Variants in LRP1B observed in about 807,000 individuals in gnomAD.
LRP1B encodes LDL receptor related protein 1B, also known as low-density lipoprotein receptor-related protein 1B.
Under a neutral mutation model 556.6 loss-of-function variants are expected in LRP1B, and 217 were observed. The ratio of observed to expected loss-of-function variants is 0.39; its 90% CI spans 0.35 to 0.44. The LOEUF is 0.44. Among genes scored for constraint, LRP1B ranks in the 20% least tolerant of loss-of-function variants. The probability of loss-of-function intolerance (pLI) is 1.00; values close to 1 mark genes in which losing one functional copy is unlikely to be tolerated. For missense variants in LRP1B, 5,053 were observed against 5,620.8 expected (o/e 0.90, Z 3.23); for synonymous variants, 2,047 against 1,865.8 (o/e 1.10, Z -2.50).
chr2:142,112,138 C>A (rs966328460), intron 1 of LRP1B, among the ~76,000 whole-genome samples: 34 of 151,940 alleles, frequency 2.2e-4, no homozygotes, highest in African/African-American at 7.7e-4. Flanking sequence ...TGCCTAACAC[C>A]ACCCAGAAAA....
intron 2 of LRP1B, among the ~76,000 whole-genome samples, chr2:141,789,959 C>G (rs1695558226): frequency 6.6e-6 from 1 of 151,892 alleles, no homozygotes; most frequent in Non-Finnish European, 1.5e-5. Flanking sequence ...TTCAAGCACT[C>G]TATAGTCCCT....
intron 66 of LRP1B, among the ~76,000 whole-genome samples, chr2:140,391,143 C>T (rs188566792): frequency 1.3e-5 from 2 of 152,154 alleles, no homozygotes; most frequent in African/African-American, 2.4e-5. Context: ...CTACTAAAAT[C>T]ATTCAAATTG....
intron 2 of LRP1B, among the ~76,000 whole-genome samples, chr2:141,526,644 T>G (rs541189145): frequency 6.6e-6 from 1 of 152,130 alleles, no homozygotes; most frequent in East Asian, 1.9e-4. Context: ...CTGCTTAATG[T>G]TTTAATTGTA....
chr2:141,853,855 C>T (rs904219206), intron 1 of LRP1B, among the ~76,000 whole-genome samples: 1 of 151,910 alleles, frequency 6.6e-6, no homozygotes, highest in African/African-American at 2.4e-5. Flanking sequence ...TGAGTATTGG[C>T]ACATTTATGT....
chr2:141,236,635 G>A (rs1683655876), intron 5 of LRP1B, among the ~76,000 whole-genome samples: 1 of 152,110 alleles, frequency 6.6e-6, no homozygotes, highest in Non-Finnish European at 1.5e-5. Context: ...TTTTTAGTTG[G>A]TAGAGTATAA....
At chr2:140,919,218 G>A (rs1368431112) in intron 21 of LRP1B, among the ~76,000 whole-genome samples, 1 of 151,974 alleles carries the variant, frequency 6.6e-6, no homozygotes, top group Non-Finnish European at 1.5e-5. Context: ...GACTTTATGA[G>A]TTTACTTGTG....
chr2:140,948,716 A>T (rs566248979), intron 20 of LRP1B, among the ~76,000 whole-genome samples: 2 of 152,354 alleles, frequency 1.3e-5, no homozygotes, highest in African/African-American at 4.8e-5. Flanking sequence ...TCATGTCAAG[A>T]CCATCAACCA....
At chr2:141,772,622 AT>A (rs1390605858) in intron 2 of LRP1B, among the ~76,000 whole-genome samples, 1 of 152,120 alleles carries the variant, frequency 6.6e-6, no homozygotes, top group African/African-American at 2.4e-5. Flanking sequence ...CTTCAGAGGG[AT>A]TTTTGTCTTT....
At chr2:140,989,185 A>G (rs76358211) in intron 17 of LRP1B, among the ~76,000 whole-genome samples, 4 of 152,010 alleles carry the variant, frequency 2.6e-5, no homozygotes, top group East Asian at 1.9e-4. Context: ...TAAAAAAAAA[A>G]TCCTCCTTGT....
intron 27 of LRP1B, among the ~76,000 whole-genome samples, chr2:140,857,311 T>C (rs1692649326): frequency 6.6e-6 from 1 of 152,152 alleles, no homozygotes; most frequent in Non-Finnish European, 1.5e-5. Context: ...GTAACTAATA[T>C]TCATCCTGTT....
intron 1 of LRP1B, among the ~76,000 whole-genome samples, chr2:142,009,754 A>G (rs997042033): frequency 1.3e-5 from 2 of 152,090 alleles, no homozygotes; most frequent in African/African-American, 2.4e-5. Context: ...TTTTATGTGA[A>G]TTGTACACAT....
intron 2 of LRP1B, among the ~76,000 whole-genome samples, chr2:141,594,561 C>T (rs903183157): frequency 6.6e-6 from 1 of 152,032 alleles, no homozygotes; most frequent in Non-Finnish European, 1.5e-5. Context: ...GCAACATGGA[C>T]AAATCAGACT....
At chr2:141,447,901 C>T (rs1463261642) in intron 3 of LRP1B, among the ~76,000 whole-genome samples, 3 of 152,198 alleles carry the variant, frequency 2.0e-5, no homozygotes, top group Non-Finnish European at 2.9e-5. Flanking sequence ...GTCAGGGACC[C>T]ACTTGAGGAG....
chr2:140,732,421 C>T (rs1308778303), intron 35 of LRP1B, among the ~76,000 whole-genome samples: 1 of 152,054 alleles, frequency 6.6e-6, no homozygotes. Context: ...ACCTGAACTG[C>T]ATGATGTTTC....
intron 2 of LRP1B, among the ~76,000 whole-genome samples, chr2:141,620,357 A>G (rs527565554): frequency 2.6e-5 from 4 of 152,394 alleles, no homozygotes; most frequent in Non-Finnish European, 4.4e-5. Flanking sequence ...AGCTTTTAAC[A>G]AAACCATTAC....
chr2:140,500,451 C>T (rs945296128), intron 55 of LRP1B, among the ~76,000 whole-genome samples: 2 of 151,964 alleles, frequency 1.3e-5, no homozygotes, highest in African/African-American at 2.4e-5. Context: ...CTTTGCCATA[C>T]AACAATTGTC....
At chr2:141,464,606 A>ATATTT in intron 3 of LRP1B, among the ~76,000 whole-genome samples, 1,671 of 90,510 alleles carry the variant, frequency 0.018, 121 homozygotes, top group Non-Finnish European at 0.025. Context: ...ATATATATAT[A>ATATTT]TTTTTTTAGT....
intron 3 of LRP1B, among the ~76,000 whole-genome samples, chr2:141,384,626 C>T (rs1325898249): frequency 6.6e-6 from 1 of 151,930 alleles, no homozygotes; most frequent in Non-Finnish European, 1.5e-5. Flanking sequence ...TGTCTTTATG[C>T]CCCTAGAGCA....
At chr2:140,628,515 C>A (rs557983743) in intron 41 of LRP1B, among the ~76,000 whole-genome samples, 3 of 135,440 alleles carry the variant, frequency 2.2e-5, no homozygotes, top group Admixed American at 8.1e-5. Context: ...CCAGCCTGGG[C>A]GAAAGAATGA....
Sources: gnomAD v4.1 joint callset for allele counts (sites outside exome capture counted in the v4.1 genomes callset) on GRCh38, gnomAD v4.1.1 for gene constraint, MANE v1.5 for transcripts, NCBI Gene and HGNC (gene_info 2026-07-23, HGNC 2026-07-21) for gene names.